GJB6: variants seen among roughly 807,000 people sequenced by gnomAD.
The protein encoded by GJB6 is gap junction protein beta 6.
Under a neutral mutation model 5.4 loss-of-function variants are expected in GJB6, and 5 were observed. That is an observed-to-expected ratio of 0.92 (90% CI 0.48 to 1.93). GJB6 has a LOEUF of 1.93. Ranked by LOEUF, GJB6 falls within the 30% of genes most tolerant of loss-of-function variation. GJB6 has a pLI of 0.01. For synonymous variants in GJB6, 136 were observed against 129.6 expected, an observed-to-expected ratio of 1.05 and a Z score of -0.34; for missense variants, 298 against 326.9, an observed-to-expected ratio of 0.91 and a Z score of 0.68.
At chr13:20,231,768 G>A (rs942272210) in intron 1 of GJB6, among the ~76,000 whole-genome samples, 34 of 152,320 alleles carry the variant, frequency 2.2e-4, no homozygotes, top group African/African-American at 7.7e-4. Flanking sequence ...GGGGAAAGGG[G>A]CACCGGCCCT....
intron 4 of GJB6, among the ~76,000 whole-genome samples, chr13:20,225,917 C>A (rs1869545259): frequency 6.6e-6 from 1 of 152,136 alleles, no homozygotes. Context: ...ATCAGTATTC[C>A]TTAGGAGGAA....
chr13:20,225,053 AG>A (rs1174004123), intron 4 of GJB6, among the ~76,000 whole-genome samples: 4 of 152,220 alleles, frequency 2.6e-5, no homozygotes, highest in Non-Finnish European at 5.9e-5. Context: ...GTGTGCCCCA[AG>A]GCAACATCTT....
Position 20,222,456 on chromosome 13 carries a change from C to G in GJB6, c.*239G>C. On this transcript the variant is annotated 3_prime_UTR_variant, in exon 5 of 5. Transcript: ENST00000647029. ...GAGAGTCCACTTAAAAGGAACCTGT[C>G]AAAGTGACTGCAATGCTCCTTTGTC... 1 of 537,648 alleles carries G rather than the reference C, an allele frequency of 1.9e-6. No individual in the cohort carries two copies. The highest frequency in any genetic ancestry group is 3.3e-6 in the Non-Finnish European group (1 of 302,942). 33.3% of individuals were successfully genotyped at this position (537,648 alleles called of 1,614,324 possible). A position where few individuals can be genotyped will look rare whatever the true frequency, so the allele number is the denominator to read the frequency against.
chr13:20,224,323 T>C (rs1869431429), intron 4 of GJB6, among the ~76,000 whole-genome samples: 1 of 152,258 alleles, frequency 6.6e-6, no homozygotes, highest in Non-Finnish European at 1.5e-5. Flanking sequence ...ATATTTATAC[T>C]TAATTCTAGC....
intron 4 of GJB6, among the ~76,000 whole-genome samples, chr13:20,226,756 T>C (rs1869605479): frequency 6.6e-6 from 1 of 152,194 alleles, no homozygotes; most frequent in Admixed American, 6.5e-5. Context: ...GTTTTCTTAT[T>C]AACCAAGAAA....
At chr13:20,230,172 A>C (rs1217272551) in intron 3 of GJB6, 1 of 152,190 alleles carries the variant, frequency 6.6e-6, no homozygotes, top group Non-Finnish European at 1.5e-5. Context: ...CTGATAGTTG[A>C]TTTTTAAATT....
chr13:20,223,048 TGATTCGGAAAAA>T lies in GJB6; in HGVS notation c.421_432del (p.Phe141_Ile144del). 3 of 1,613,356 alleles carry T rather than the reference TGATTCGGAAAAA, an allele frequency of 1.9e-6. No homozygotes were observed. The highest frequency in any genetic ancestry group is 2.5e-6 in the Non-Finnish European group (3 of 1,179,224). On this transcript the variant is annotated inframe_deletion, in exon 5 of 5. Coordinates refer to ENST00000647029, the MANE Select transcript of GJB6 (RefSeq NM_001110219.3). ...ACATACATAAAGGCTGCTTCAAAGA[TGATTCGGAAAAA>T]GATGCTGCTGGTGTACGTCCACCAC...
Position 20,223,156 on chromosome 13 carries a change from C to T in GJB6, c.325G>A (p.Gly109Arg), listed in dbSNP as rs1227245865. 1.9e-6 allele frequency: 3 copies of T among 1,613,716 alleles called. No homozygotes were observed. The highest frequency in any genetic ancestry group is 2.2e-5 in the East Asian group (1 of 44,890). ...RHETTRKFRR[G>R]EKRNDFKDIE... The stretch of plus-strand genomic sequence containing the variant: ...TCTTTGAAATCATTCCTCTTCTCTC[C>T]TCGCCTGAACTTGCGAGTGGTTTCG... The change falls in exon 5 of 5, where the codon GGA becomes AGA. Residue 109 changes from glycine to arginine, a missense_variant. Coordinates refer to ENST00000647029, the MANE Select transcript of GJB6 (RefSeq NM_001110219.3).
At chr13:20,224,841 C>T (rs1167916337) in intron 4 of GJB6, among the ~76,000 whole-genome samples, 1 of 152,204 alleles carries the variant, frequency 6.6e-6, no homozygotes, top group Non-Finnish European at 1.5e-5. Flanking sequence ...TCCTTCTCTT[C>T]ACCGGTCTTA....
At chr13:20,227,591 G>C (rs1049712832) in intron 4 of GJB6, among the ~76,000 whole-genome samples, 4 of 152,208 alleles carry the variant, frequency 2.6e-5, no homozygotes, top group African/African-American at 9.7e-5. Context: ...CTGAGACAGT[G>C]AGACAGTGGC....
intron 4 of GJB6, among the ~76,000 whole-genome samples, chr13:20,224,911 C>G (rs944715830): frequency 9.2e-5 from 14 of 152,260 alleles, no homozygotes; most frequent in African/African-American, 3.1e-4. Flanking sequence ...TCAGGCCAGC[C>G]CCCTGGACCT....
rs780320724 is a variant in GJB6 at position 20,223,362 on chromosome 13, G to A, written c.119C>T (p.Ala40Val). 14 of 1,614,146 alleles carry A rather than the reference G, an allele frequency of 8.7e-6. No individual in the cohort carries two copies. The East Asian group carries it at 3.1e-4, about 36-fold the overall frequency. ...TTGCTCGTCACCCCACACTTCCTGG[G>A]CAGCCACCACGAGGATCATGACTCG... ...IFRVMILVVA[A>V]QEVWGDEQED... Residue 40 changes from alanine (A) to valine (V), a missense_variant, in exon 5 of 5, where the codon GCC becomes GTC. By Grantham distance (64) the Ala-to-Val change is moderately conservative. Coordinates refer to ENST00000647029, the MANE Select transcript of GJB6 (RefSeq NM_001110219.3).
At position 20,223,109 on chromosome 13, in the gene GJB6, C is replaced by T; in HGVS notation, c.372G>A (p.Gln124=). The change falls in exon 5 of 5, where the codon CAG becomes CAA. Residue 124 remains glutamine, a synonymous_variant. Transcript: ENST00000647029. ...ACAGCGACCCCTCTATCCGAACCTT[C>T]TGCTTTTTAATGTCCTCTATGTCTT... ...DFKDIEDIKK[Q]KVRIEGSLWW... 6.2e-7 allele frequency: 1 copy of T among 1,614,004 alleles called. No individual in the cohort carries two copies. Among genetic ancestry groups the T allele is most frequent in the Non-Finnish European group, 8.5e-7 (1 of 1,179,866 alleles).
At position 20,223,191 on chromosome 13, in the gene GJB6, T is replaced by C; in HGVS notation, c.290A>G (p.Tyr97Cys). The change falls in exon 5 of 5, where the codon TAC becomes TGC. Residue 97 changes from tyrosine to cysteine, a missense_variant. Coordinates refer to ENST00000647029, the MANE Select transcript of GJB6 (RefSeq NM_001110219.3). ...CTTGCGAGTGGTTTCGTGCCTGTAG[T>C]AGGCCACATGCATGGCCACCAGCAG... ...PALLVAMHVA[Y>C]YRHETTRKFR... 1 of 1,612,200 alleles carries C rather than the reference T, an allele frequency of 6.2e-7. No individual in the cohort carries two copies. Among genetic ancestry groups the C allele is most frequent in the South Asian group, 1.1e-5 (1 of 90,994 alleles).
Position 20,223,078 on chromosome 13 carries a change from T to C in GJB6, c.403A>G (p.Thr135Ala), listed in dbSNP as rs773950908. ...KVRIEGSLWW[T>A]YTSSIFFRII... ...CGGAAAAAGATGCTGCTGGTGTACG[T>C]CCACCACAGCGACCCCTCTATCCGA... Residue 135 changes from threonine (T) to alanine (A), a missense_variant, in exon 5 of 5, where the codon ACG becomes GCG. By Grantham distance (58) the Thr-to-Ala change is moderately conservative (BLOSUM62 0). Coordinates refer to ENST00000647029, the MANE Select transcript of GJB6 (RefSeq NM_001110219.3). 8.7e-6 allele frequency: 14 copies of C among 1,613,638 alleles called. No homozygotes were observed. The African/African-American group carries it at 1.6e-4, about 18-fold the overall frequency.
chr13:20,222,843 A>C lies in GJB6; in HGVS notation c.638T>G (p.Leu213Arg). Residue 213 changes from leucine (L) to arginine (R), a missense_variant, in exon 5 of 5, where the codon CTG becomes CGG. Coordinates refer to ENST00000647029, the MANE Select transcript of GJB6 (RefSeq NM_001110219.3). ...MLLNVAELCY[L>R]LLKVCFRRSK... ...TCTCCTAAAACACACTTTCAGCAGC[A>C]GGTAGCACAACTCTGCCACGTTAAG... is the stretch of plus-strand genomic sequence containing the variant. 1 of 1,614,186 alleles carries C rather than the reference A, an allele frequency of 6.2e-7. No individual in the cohort carries two copies. The highest frequency in any genetic ancestry group is 8.5e-7 in the Non-Finnish European group (1 of 1,180,030).
In GJB6 at chr13:20,222,603, T is replaced by C. The variant is rs1869247028; in HGVS notation, c.*92A>G. 1 of 1,041,540 alleles carries C rather than the reference T, an allele frequency of 9.6e-7. No homozygotes were observed. The allele number at this position is 1,041,540 out of a possible 1,614,324, so 64.5% of individuals were successfully genotyped here. On this transcript the variant is annotated 3_prime_UTR_variant, in exon 5 of 5. Coordinates refer to ENST00000647029, the MANE Select transcript of GJB6 (RefSeq NM_001110219.3). Reference sequence around the variant, plus strand: ...TATTATGAAAGTCATTTACAAACTCTTCAGGCTACAGAAGGAACTTTCAGG... The same window carrying C: ...TATTATGAAAGTCATTTACAAACTCCTCAGGCTACAGAAGGAACTTTCAGG...
chr13:20,224,784 C>T (rs1211719296), intron 4 of GJB6, among the ~76,000 whole-genome samples: 1 of 152,190 alleles, frequency 6.6e-6, no homozygotes, highest in Non-Finnish European at 1.5e-5. Context: ...GTAATTCACT[C>T]AGGCATTTTT....
chr13:20,224,221 A>G (rs1351736393), intron 4 of GJB6, among the ~76,000 whole-genome samples: 4 of 151,044 alleles, frequency 2.6e-5, no homozygotes, highest in Non-Finnish European at 2.9e-5. Flanking sequence ...ATTCAGGGGG[A>G]AAAAAAACTT....
Sources: allele counts gnomAD v4.1 joint callset (sites outside exome capture counted in the v4.1 genomes callset), GRCh38; gene constraint gnomAD v4.1.1; transcripts MANE v1.5; gene names NCBI Gene and HGNC (gene_info 2026-07-23, HGNC 2026-07-21).